The following KCNQ3 variants were observed in gnomAD, a reference collection of about 807,000 sequenced individuals.
The protein encoded by KCNQ3 is potassium voltage-gated channel subfamily Q member 3, also known as potassium voltage-gated channel subfamily KQT member 3.
KCNQ3 carries 30 observed loss-of-function variants against 92.5 expected under a neutral mutation model. That is an observed-to-expected ratio of 0.32 (90% CI 0.24 to 0.44). The LOEUF (loss-of-function observed/expected upper bound fraction) is 0.44. KCNQ3 is among the 20% of genes least tolerant of loss of function. The pLI is 1.00. For missense variants in KCNQ3, 913 were observed against 1,140.3 expected (o/e 0.80, Z 2.87); for synonymous variants, 450 against 468.8 (o/e 0.96, Z 0.52).
chr8:132,369,013 G>A (rs960051883), intron 1 of KCNQ3, among the ~76,000 whole-genome samples: 1 of 152,094 alleles, frequency 6.6e-6, no homozygotes, highest in Admixed American at 6.5e-5. Context: ...AACTTTGCTT[G>A]TTTTTGATGA....
At chr8:132,384,301 T>C (rs1819836944) in intron 1 of KCNQ3, among the ~76,000 whole-genome samples, 1 of 152,158 alleles carries the variant, frequency 6.6e-6, no homozygotes, top group Admixed American at 6.5e-5. Flanking sequence ...ACCAACATAT[T>C]TCAAAAGATG....
rs1176874152 is a variant in KCNQ3, at chr8:132,480,575, T to C, written c.-43A>G. 3.2e-6 allele frequency: 4 copies of C among 1,252,664 alleles called. No homozygotes were observed. Among genetic ancestry groups the C allele is most frequent in the Non-Finnish European group, 4.1e-6 (4 of 975,618 alleles). 77.6% of individuals were successfully genotyped at this position (1,252,664 alleles called of 1,614,324 possible). On this transcript the variant is annotated 5_prime_UTR_variant, in exon 1 of 15. Transcript: ENST00000388996. ...GCCGCTTCGCCTTCTCCGCTGCTGC[T>C]CTGGGAAGAAGGGGCGCTCGGGGTG...
chr8:132,138,473 C>T (rs530362129), intron 11 of KCNQ3, among the ~76,000 whole-genome samples: 1 of 152,314 alleles, frequency 6.6e-6, no homozygotes, highest in East Asian at 1.9e-4. Context: ...ACACTGCTTG[C>T]TATTTGAGGA....
intron 9 of KCNQ3, among the ~76,000 whole-genome samples, chr8:132,157,787 C>T (rs1186998769): frequency 6.6e-6 from 1 of 151,918 alleles, no homozygotes; most frequent in Non-Finnish European, 1.5e-5. Context: ...GTTTTAAGCC[C>T]CACATACATT....
intron 1 of KCNQ3, among the ~76,000 whole-genome samples, chr8:132,210,519 G>A (rs940559565): frequency 6.6e-6 from 1 of 151,976 alleles, no homozygotes; most frequent in Non-Finnish European, 1.5e-5. Context: ...CCCGAACATG[G>A]CAGTTAAAAC....
intron 1 of KCNQ3, among the ~76,000 whole-genome samples, chr8:132,301,791 A>T (rs1021183078): frequency 6.6e-6 from 1 of 152,176 alleles, no homozygotes; most frequent in African/African-American, 2.4e-5. Flanking sequence ...AGCAGGGCAC[A>T]TTGAGACTGA....
chr8:132,366,034 C>G (rs1378754385), intron 1 of KCNQ3, among the ~76,000 whole-genome samples: 10 of 152,084 alleles, frequency 6.6e-5, no homozygotes, highest in Admixed American at 3.3e-4. Context: ...CTATAAAGTA[C>G]CACTATATTT....
chr8:132,335,775 G>T (rs1040464984), intron 1 of KCNQ3, among the ~76,000 whole-genome samples: 21 of 152,140 alleles, frequency 1.4e-4, no homozygotes, highest in African/African-American at 4.3e-4. Context: ...CGGGGGAAGG[G>T]GTGGAAGAAG....
At chr8:132,169,969 T>C (rs532249429) in intron 8 of KCNQ3, among the ~76,000 whole-genome samples, 1 of 152,052 alleles carries the variant, frequency 6.6e-6, no homozygotes, top group South Asian at 2.1e-4. Flanking sequence ...ATTTCCTGGG[T>C]TCAAGCAATT....
chr8:132,153,849 T>A (rs1825711672), intron 9 of KCNQ3, among the ~76,000 whole-genome samples: 1 of 152,086 alleles, frequency 6.6e-6, no homozygotes, highest in African/African-American at 2.4e-5. Context: ...ATGCCTCATT[T>A]TCCCTCCCTT....
intron 1 of KCNQ3, among the ~76,000 whole-genome samples, chr8:132,271,753 G>A (rs1816154441): frequency 6.6e-6 from 1 of 152,196 alleles, no homozygotes; most frequent in Non-Finnish European, 1.5e-5. Context: ...CCGGGAAGCT[G>A]ATTGCCTTTC....
intron 1 of KCNQ3, among the ~76,000 whole-genome samples, chr8:132,225,614 C>A (rs1482087283): frequency 6.6e-6 from 1 of 152,158 alleles, no homozygotes; most frequent in Non-Finnish European, 1.5e-5. Flanking sequence ...ATTATGGACA[C>A]CTCTTCCAAA....
chr8:132,298,852 G>A (rs1261052620), intron 1 of KCNQ3, among the ~76,000 whole-genome samples: 4 of 152,138 alleles, frequency 2.6e-5, no homozygotes, highest in Non-Finnish European at 4.4e-5. Context: ...AGGTTGCAGT[G>A]AGCCGAGATG....
At chr8:132,143,690 G>A (rs940814649) in intron 9 of KCNQ3, among the ~76,000 whole-genome samples, 1 of 152,186 alleles carries the variant, frequency 6.6e-6, no homozygotes, top group African/African-American at 2.4e-5. Flanking sequence ...CTGAGATTCA[G>A]GAAGCGCTCA....
rs564794120 is a variant in KCNQ3, at chr8:132,295,304, T to A, written c.387-109123A>T. ...AAAAATGCTCAACATCACTGATAAT[T>A]AGAGAAATGCAAATCAAACCACAAT... On this transcript the variant is annotated intron_variant, in intron 1 of 14. Transcript: ENST00000388996. 3.9e-5 allele frequency among the ~76,000 whole-genome samples: 6 copies of A among 152,204 alleles called. No individual in the cohort carries two copies. The South Asian group carries it at 1.2e-3, about 32-fold the overall frequency.
chr8:132,285,734 G>A (rs1816661353), intron 1 of KCNQ3, among the ~76,000 whole-genome samples: 2 of 152,200 alleles, frequency 1.3e-5, no homozygotes, highest in Admixed American at 6.5e-5. Context: ...AACTATGGGA[G>A]AAAGATGCCA....
intron 1 of KCNQ3, among the ~76,000 whole-genome samples, chr8:132,224,109 T>TTTTTTTTTG (rs1814327818): frequency 7.7e-6 from 1 of 130,506 alleles, no homozygotes; most frequent in South Asian, 2.5e-4. Context: ...TTTTTTTTTT[T>TTTTTTTTTG]GCTTTTGGAG....
intron 9 of KCNQ3, among the ~76,000 whole-genome samples, chr8:132,147,818 G>T (rs1404591164): frequency 1.3e-5 from 2 of 152,336 alleles, no homozygotes; most frequent in Admixed American, 1.3e-4. Flanking sequence ...GCCCAGCACA[G>T]AACAGCCAAT....
chr8:132,423,840 C>T (rs767884258), intron 1 of KCNQ3, among the ~76,000 whole-genome samples: 1 of 152,100 alleles, frequency 6.6e-6, no homozygotes, highest in Non-Finnish European at 1.5e-5. Flanking sequence ...GTATGGAGAC[C>T]CCAGCACACA....
Sources: allele counts gnomAD v4.1 joint callset (sites outside exome capture counted in the v4.1 genomes callset), GRCh38; gene constraint gnomAD v4.1.1; transcripts MANE v1.5; gene names NCBI Gene and HGNC (gene_info 2026-07-23, HGNC 2026-07-21).